Variants in VIPR2 observed in about 807,000 individuals in gnomAD.
VIPR2 encodes vasoactive intestinal polypeptide receptor 2.
VIPR2 carries 48 observed loss-of-function variants against 58.0 expected under a neutral mutation model. The ratio of observed to expected loss-of-function variants is 0.83; its 90% CI spans 0.66 to 1.05. The LOEUF is 1.05. VIPR2 is among the 50% of genes least tolerant of loss of function. The pLI is 0.00. For missense variants in VIPR2, 534 were observed against 558.0 expected (o/e 0.96, Z 0.43); for synonymous variants, 243 against 235.2 (o/e 1.03, Z -0.30).
At chr7:159,144,682 TC>T in intron 1 of VIPR2, 38 bp downstream of exon 1, 1 of 1,340,060 alleles carries the variant, frequency 7.5e-7, no homozygotes, top group Non-Finnish European at 9.6e-7. Context: ...GAGAACCGGG[TC>T]CGAGGCGCCG....
chr7:159,113,051 C>T (rs1019856133), intron 2 of VIPR2, among the ~76,000 whole-genome samples: 2 of 152,182 alleles, frequency 1.3e-5, no homozygotes, highest in African/African-American at 4.8e-5. Context: ...GAAGGAGTGG[C>T]TCTAGGAGTG....
At chr7:159,118,767 T>G (rs1331335199) in intron 2 of VIPR2, among the ~76,000 whole-genome samples, 1 of 152,262 alleles carries the variant, frequency 6.6e-6, no homozygotes, top group Admixed American at 6.5e-5. Context: ...TAAAATCTGC[T>G]GTGACCAGAA....
At chr7:159,032,171 C>T (rs1853635321) in intron 10 of VIPR2, 104 bp from the exon 11 acceptor site, 1 of 1,486,704 alleles carries the variant, frequency 6.7e-7, no homozygotes, top group Admixed American at 2.0e-5. Context: ...GGGAGGGGCT[C>T]CACACCTCCT....
In VIPR2 at chr7:159,096,820, CTT is replaced by C; in HGVS notation, c.357+6935_357+6936del. Reference sequence around the variant, plus strand: ...CCCCGCAGCAGCCACAGGCCCAGCTCTTGTCCCGGCCCACCTCGGGATGCTTC... The same window carrying C: ...CCCCGCAGCAGCCACAGGCCCAGCTCGTCCCGGCCCACCTCGGGATGCTTC... On this transcript the variant is annotated intron_variant, in intron 4 of 12. Coordinates refer to ENST00000262178, the MANE Select transcript of VIPR2 (RefSeq NM_003382.5). The surrounding 1 kb of genome is among the most constrained non-coding windows in gnomAD (Gnocchi z 5.5). The C allele has an allele frequency of 6.8e-7, 1 of 1,462,332 alleles. No homozygotes were observed. The highest frequency in any genetic ancestry group is 9.1e-7 in the Non-Finnish European group (1 of 1,097,298). 90.6% of individuals were successfully genotyped at this position (1,462,332 alleles called of 1,614,324 possible).
At chr7:159,043,847 C>T (rs577202059) in intron 5 of VIPR2, among the ~76,000 whole-genome samples, 63 of 152,346 alleles carry the variant, frequency 4.1e-4, no homozygotes, top group African/African-American at 1.4e-3. Context: ...CTCCCGCCAC[C>T]TCAGGAGACA....
At position 159,090,991 on chromosome 7, in the gene VIPR2, C is replaced by T. The variant is rs1471916490; in HGVS notation, c.357+12766G>A. Among the ~76,000 whole-genome samples the T allele has an allele frequency of 6.2e-5, 9 of 144,726 alleles. No homozygotes were observed. The East Asian group carries it at 6.3e-4, about 10-fold the overall frequency. The allele number at this position is 144,726 out of a possible 152,430, so 94.9% of individuals were successfully genotyped here. On this transcript the variant is annotated intron_variant, in intron 4 of 12. Coordinates refer to ENST00000262178, the MANE Select transcript of VIPR2 (RefSeq NM_003382.5). ...CACCTCCTGCGACCATTGCAATCCCCGGTGACCTCAGCACAGACACGCTGG... is the reference window on the plus strand; with the variant it reads ...CACCTCCTGCGACCATTGCAATCCCTGGTGACCTCAGCACAGACACGCTGG...
rs1853407329 is a variant in VIPR2, at chr7:159,029,360, C to T, written c.*1256G>A. ...ACTGTGCCCTGATATCCCCACCCTTCTGCAGCTGGCTCAGCAACGTCCCCA... is the reference window on the plus strand; with the variant it reads ...ACTGTGCCCTGATATCCCCACCCTTTTGCAGCTGGCTCAGCAACGTCCCCA... On this transcript the variant is annotated 3_prime_UTR_variant, in exon 13 of 13. Coordinates refer to ENST00000262178, the MANE Select transcript of VIPR2 (RefSeq NM_003382.5). The T allele has an allele frequency of 6.6e-6, 1 of 152,260 alleles. No individual in the cohort carries two copies. The highest frequency in any genetic ancestry group is 2.4e-5 in the African/African-American group (1 of 41,444). The allele number at this position is 152,260 out of a possible 1,614,324, so 9.4% of individuals were successfully genotyped here. A position where few individuals can be genotyped will look rare whatever the true frequency, so the allele number is the denominator to read the frequency against.
At chr7:159,114,064 A>G (rs1796143766) in intron 2 of VIPR2, among the ~76,000 whole-genome samples, 1 of 152,224 alleles carries the variant, frequency 6.6e-6, no homozygotes, top group Admixed American at 6.5e-5. Context: ...TTTAAAGTGT[A>G]TCATTATATT....
chr7:159,064,155 AGCAGAAAGGAGGCGAT>A (rs1375261667), intron 4 of VIPR2, among the ~76,000 whole-genome samples: 2 of 151,120 alleles, frequency 1.3e-5, no homozygotes, highest in South Asian at 4.2e-4. Flanking sequence ...GCGCGGAGGG[AGCAGAAAGGAGGCGAT>A]GCGGCTGCTG....
At chr7:159,123,089 T>C (rs1796517062) in intron 2 of VIPR2, among the ~76,000 whole-genome samples, 1 of 151,902 alleles carries the variant, frequency 6.6e-6, no homozygotes, top group South Asian at 2.1e-4. Context: ...GGTCAAGAGA[T>C]TGAGACCATC....
chr7:159,042,679 G>A (rs1362097587), intron 6 of VIPR2, among the ~76,000 whole-genome samples: 1 of 152,240 alleles, frequency 6.6e-6, no homozygotes, highest in African/African-American at 2.4e-5. Context: ...CAGACAGAAA[G>A]CAACAGAGTT....
chr7:159,140,691 C>G (rs984147059), intron 2 of VIPR2, among the ~76,000 whole-genome samples: 1 of 152,234 alleles, frequency 6.6e-6, no homozygotes, highest in South Asian at 2.1e-4. Context: ...GAGGGGCTCT[C>G]GGGCCTGCAT....
At chr7:159,124,644 A>G (rs1490871392) in intron 2 of VIPR2, among the ~76,000 whole-genome samples, 1 of 152,170 alleles carries the variant, frequency 6.6e-6, no homozygotes, top group Non-Finnish European at 1.5e-5. Context: ...TTGGTTCCAT[A>G]TGAATTTTAA....
chr7:159,063,289 A>T (rs1011276955), intron 4 of VIPR2, among the ~76,000 whole-genome samples: 3 of 152,152 alleles, frequency 2.0e-5, no homozygotes, highest in African/African-American at 7.2e-5. Context: ...CCCTGCGGGG[A>T]GGCAGCTGAG....
At chr7:159,040,402 CAGCTT>C (rs1854251821) in intron 6 of VIPR2, among the ~76,000 whole-genome samples, 1 of 152,264 alleles carries the variant, frequency 6.6e-6, no homozygotes, top group African/African-American at 2.4e-5. Flanking sequence ...AGGCAGGACT[CAGCTT>C]AGTAAGCTTG....
At position 159,128,473 on chromosome 7, in the gene VIPR2, T is replaced by C. The variant is rs1034938013; in HGVS notation, c.151+13973A>G. Among the ~76,000 whole-genome samples the C allele has an allele frequency of 6.6e-6, 1 of 152,124 alleles. No individual in the cohort carries two copies. The highest frequency in any genetic ancestry group is 1.5e-5 in the Non-Finnish European group (1 of 68,010). On this transcript the variant is annotated intron_variant, in intron 2 of 12. Coordinates refer to ENST00000262178, the MANE Select transcript of VIPR2 (RefSeq NM_003382.5). This position sits in a 1 kb window ranked among gnomAD's most constrained non-coding sequence, Gnocchi z 4.1. ...CCCCCCTGGCCACTCCCCTCCTGCC[T>C]TGGGCCTCCCACCTGTGTGCTGGGA...
At chr7:159,055,042 T>C (rs1855227776) in intron 5 of VIPR2, among the ~76,000 whole-genome samples, 1 of 152,246 alleles carries the variant, frequency 6.6e-6, no homozygotes, top group African/African-American at 2.4e-5. Flanking sequence ...GCAGCATTAT[T>C]TGCTATGCCT....
chr7:159,097,626 C>G lies in VIPR2; in HGVS notation c.357+6131G>C, dbSNP rs1857940681. Among the ~76,000 whole-genome samples, 1 of 152,170 alleles carries G rather than the reference C, an allele frequency of 6.6e-6. No individual in the cohort carries two copies. Among genetic ancestry groups the G allele is most frequent in the Non-Finnish European group, 1.5e-5 (1 of 68,036 alleles). On this transcript the variant is annotated intron_variant, in intron 4 of 12. Coordinates refer to ENST00000262178, the MANE Select transcript of VIPR2 (RefSeq NM_003382.5). The surrounding 1 kb of genome is among the most constrained non-coding windows in gnomAD (Gnocchi z 5.3). ...TTTCATCAGTGCCCAAGATGAAATC[C>G]AAATCACCAAGGAGAATTCCCACTC...
chr7:159,081,569 A>G (rs1301551028), intron 4 of VIPR2, among the ~76,000 whole-genome samples: 1 of 152,242 alleles, frequency 6.6e-6, no homozygotes, highest in East Asian at 1.9e-4. Flanking sequence ...CAAGGACTTC[A>G]TGTCTAAAAC....
Sources: allele counts gnomAD v4.1 joint callset (sites outside exome capture counted in the v4.1 genomes callset), GRCh38; gene constraint gnomAD v4.1.1; non-coding constraint Gnocchi (gnomAD v3.1); transcripts MANE v1.5; gene names NCBI Gene and HGNC (gene_info 2026-07-23, HGNC 2026-07-21).